CFAP61: variants seen among roughly 807,000 people sequenced by gnomAD.
The protein encoded by CFAP61 is cilia- and flagella-associated protein 61.
In CFAP61, 107 loss-of-function variants were observed where a neutral mutation model predicts 135.6. The observed-to-expected ratio is 0.79, with a 90% CI of 0.67 to 0.93. The LOEUF is 0.93. CFAP61 is among the 40% of genes least tolerant of loss of function. The pLI is 0.00. For missense variants in CFAP61, 1,507 were observed against 1,556.2 expected (o/e 0.97, Z 0.53); for synonymous variants, 575 against 578.5 (o/e 0.99, Z 0.09).
At chr20:20,224,636 C>G (rs150032086) in intron 17 of CFAP61, among the ~76,000 whole-genome samples, 1 of 152,248 alleles carries the variant, frequency 6.6e-6, no homozygotes, top group Non-Finnish European at 1.5e-5. Context: ...GTTGCAGTAG[C>G]TGAGATCGCG....
At position 20,075,392 on chromosome 20, in the gene CFAP61, A is replaced by T. The variant is rs1181723867; in HGVS notation, c.440-97A>T. 4 of 1,351,864 alleles carry T rather than the reference A, an allele frequency of 3.0e-6. No homozygotes were observed. In the African/African-American group the frequency reaches 9.4e-5, roughly 32 times the overall value. 83.7% of individuals were successfully genotyped at this position (1,351,864 alleles called of 1,614,324 possible). On this transcript the variant is annotated intron_variant, in intron 5 of 26. Transcript: ENST00000245957. ...ACCATGTGCATATTTTATTAGAACA[A>T]TTAAGCACAATTTAGAATGGAAACT...
At chr20:20,328,310 A>G (rs2057842607) in intron 25 of CFAP61, among the ~76,000 whole-genome samples, 1 of 152,154 alleles carries the variant, frequency 6.6e-6, no homozygotes, top group Admixed American at 6.5e-5. Context: ...CAGGTGAGAG[A>G]TGGTACTTTG....
intron 8 of CFAP61, among the ~76,000 whole-genome samples, chr20:20,119,348 T>C (rs1229849623): frequency 6.6e-6 from 1 of 152,138 alleles, no homozygotes; most frequent in Non-Finnish European, 1.5e-5. Flanking sequence ...TCTTGGTAGG[T>C]TGTATAGTCA....
At chr20:20,289,537 A>G (rs1206326716) in intron 23 of CFAP61, among the ~76,000 whole-genome samples, 1 of 152,232 alleles carries the variant, frequency 6.6e-6, no homozygotes, top group East Asian at 1.9e-4. Context: ...GCACATATTT[A>G]CAAAATTACG....
At chr20:20,107,757 G>A (rs1600690490) in intron 8 of CFAP61, 2 of 152,114 alleles carry the variant, frequency 1.3e-5, no homozygotes, top group East Asian at 3.9e-4. Flanking sequence ...AGCTTCCTGA[G>A]TAGCTGGACT....
chr20:20,230,185 G>A (rs1010449287), intron 18 of CFAP61, among the ~76,000 whole-genome samples: 2 of 152,066 alleles, frequency 1.3e-5, no homozygotes, highest in African/African-American at 4.8e-5. Flanking sequence ...TAAGTATTGG[G>A]TCGATTAAAT....
At chr20:20,320,100 A>G (rs1433650629) in intron 25 of CFAP61, among the ~76,000 whole-genome samples, 1 of 151,764 alleles carries the variant, frequency 6.6e-6, no homozygotes, top group Non-Finnish European at 1.5e-5. Flanking sequence ...GATTCCCTCA[A>G]CAAATAAATT....
chr20:20,257,629 A>C (rs1601666699), intron 20 of CFAP61, among the ~76,000 whole-genome samples: 2 of 29,124 alleles, frequency 6.9e-5, no homozygotes, highest in African/African-American at 2.7e-4. Context: ...ACAAAAAAAC[A>C]AAAAAAAAAA....
chr20:20,086,589 G>A (rs2046819619), intron 6 of CFAP61, among the ~76,000 whole-genome samples: 1 of 152,028 alleles, frequency 6.6e-6, no homozygotes, highest in African/African-American at 2.4e-5. Context: ...GGGACCATAG[G>A]TTCAGACTGC....
At chr20:20,140,965 T>G (rs529820178) in intron 8 of CFAP61, among the ~76,000 whole-genome samples, 1 of 151,710 alleles carries the variant, frequency 6.6e-6, no homozygotes, top group Non-Finnish European at 1.5e-5. Flanking sequence ...CTCTGTCATC[T>G]AGGCTATAGT....
intron 25 of CFAP61, among the ~76,000 whole-genome samples, chr20:20,323,590 T>C (rs1044203003): frequency 6.6e-6 from 1 of 152,208 alleles, no homozygotes; most frequent in Non-Finnish European, 1.5e-5. Context: ...ACAGAGCCAG[T>C]ATCCAAAAGC....
At chr20:20,234,523 A>G (rs2049423816) in intron 18 of CFAP61, among the ~76,000 whole-genome samples, 1 of 152,206 alleles carries the variant, frequency 6.6e-6, no homozygotes, top group African/African-American at 2.4e-5. Flanking sequence ...ACACAGGTGT[A>G]CTATCAGAAA....
intron 24 of CFAP61, among the ~76,000 whole-genome samples, chr20:20,294,934 CAAAAAT>C (rs1242734336): frequency 4.1e-5 from 4 of 98,362 alleles, no homozygotes; most frequent in African/African-American, 1.9e-4. Flanking sequence ...GACTCCGTCT[CAAAAAT>C]AATAATAATA....
intron 17 of CFAP61, among the ~76,000 whole-genome samples, chr20:20,214,876 G>T (rs143879338): frequency 2.0e-5 from 3 of 152,218 alleles, no homozygotes; most frequent in Non-Finnish European, 2.9e-5. Flanking sequence ...TGTTTAGGGC[G>T]CAGGGCAGGC....
intron 2 of CFAP61, among the ~76,000 whole-genome samples, chr20:20,068,749 C>G (rs1325196397): frequency 6.6e-6 from 1 of 152,060 alleles, no homozygotes; most frequent in Non-Finnish European, 1.5e-5. Flanking sequence ...AGTTACCTTC[C>G]TTTTTATTTC....
intron 7 of CFAP61, among the ~76,000 whole-genome samples, chr20:20,093,521 A>G (rs987400751): frequency 7.0e-6 from 1 of 142,496 alleles, no homozygotes; most frequent in Admixed American, 7.4e-5. Context: ...TGCAACCTCC[A>G]CCTCCCGGGT....
At chr20:20,306,068 G>C (rs945422430) in intron 25 of CFAP61, among the ~76,000 whole-genome samples, 1 of 152,164 alleles carries the variant, frequency 6.6e-6, no homozygotes, top group Non-Finnish European at 1.5e-5. Context: ...AAAACTAGGG[G>C]TCTTTTTTAG....
intron 17 of CFAP61, among the ~76,000 whole-genome samples, chr20:20,202,502 A>G (rs538108029): frequency 6.6e-6 from 1 of 152,180 alleles, no homozygotes; most frequent in East Asian, 1.9e-4. Context: ...CTCGGTATTA[A>G]AAAGTTAAAA....
chr20:20,337,044 C>T (rs113885415), intron 25 of CFAP61, among the ~76,000 whole-genome samples: 45 of 152,296 alleles, frequency 3.0e-4, no homozygotes, highest in African/African-American at 7.0e-4. Flanking sequence ...TCCTTGCAAC[C>T]GTTAATGTCA....
Sources: gnomAD v4.1 joint callset for allele counts (sites outside exome capture counted in the v4.1 genomes callset) on GRCh38, gnomAD v4.1.1 for gene constraint, MANE v1.5 for transcripts, NCBI Gene and HGNC (gene_info 2026-07-23, HGNC 2026-07-21) for gene names.